The following IL1RAPL2 variants were observed in gnomAD, a reference collection of about 807,000 sequenced individuals.
The protein encoded by IL1RAPL2 is X-linked interleukin-1 receptor accessory protein-like 2.
In IL1RAPL2, 3 loss-of-function variants were observed where a neutral mutation model predicts 44.1. That is an observed-to-expected ratio of 0.07 (90% CI 0.03 to 0.18). The LOEUF is 0.18. Among genes scored for constraint, IL1RAPL2 ranks in the 10% least tolerant of loss-of-function variants. The pLI is 1.00. For synonymous variants in IL1RAPL2, 181 were observed against 178.8 expected, an observed-to-expected ratio of 1.01 and a Z score of -0.10; for missense variants, 391 against 496.4, an observed-to-expected ratio of 0.79 and a Z score of 2.02.
intron 2 of IL1RAPL2, among the ~76,000 whole-genome samples, chrX:104,676,862 G>T (rs372052238): frequency 1.8e-5 from 2 of 110,758 alleles, no homozygotes; most frequent in Non-Finnish European, 3.8e-5. Flanking sequence ...ATCTTCCATC[G>T]CTGATACCCT....
At chrX:105,294,393 A>G (rs1477190190) in intron 5 of IL1RAPL2, among the ~76,000 whole-genome samples, 1 of 112,340 alleles carries the variant, frequency 8.9e-6, no homozygotes, top group Non-Finnish European at 1.9e-5. Flanking sequence ...TTTAGTCAGC[A>G]GAGAAAAATA....
intron 2 of IL1RAPL2, among the ~76,000 whole-genome samples, chrX:104,791,068 G>C (rs1224262264): frequency 9.0e-6 from 1 of 111,694 alleles, no homozygotes; most frequent in Non-Finnish European, 1.9e-5. Context: ...CTGAGGTTTA[G>C]AAAGGCTACA....
At chrX:105,580,693 G>T (rs2037083302) in intron 6 of IL1RAPL2, among the ~76,000 whole-genome samples, 1 of 111,601 alleles carries the variant, frequency 9.0e-6, no homozygotes, top group South Asian at 3.7e-4. Flanking sequence ...TCCAGGAAAG[G>T]ATGCTCAGAG....
intron 2 of IL1RAPL2, among the ~76,000 whole-genome samples, chrX:105,110,341 T>C (rs1403034157): frequency 8.9e-6 from 1 of 112,219 alleles, no homozygotes; most frequent in Non-Finnish European, 1.9e-5. Flanking sequence ...TTGGCCAGTA[T>C]TTAGATCTGG....
intron 2 of IL1RAPL2, among the ~76,000 whole-genome samples, chrX:104,785,436 G>A (rs747971505): frequency 1.8e-5 from 2 of 111,624 alleles, no homozygotes; most frequent in African/African-American, 6.5e-5. Flanking sequence ...TAATTTCCAG[G>A]TATAACACCC....
At chrX:104,879,129 T>A (rs950402113) in intron 2 of IL1RAPL2, among the ~76,000 whole-genome samples, 1 of 110,321 alleles carries the variant, frequency 9.1e-6, no homozygotes, top group Non-Finnish European at 1.9e-5. Flanking sequence ...TTTTAGACTT[T>A]TATATTTTTA....
At chrX:104,948,567 C>G (rs1384793462) in intron 2 of IL1RAPL2, among the ~76,000 whole-genome samples, 1 of 108,437 alleles carries the variant, frequency 9.2e-6, no homozygotes, top group East Asian at 2.9e-4. Flanking sequence ...TCATAGATAG[C>G]TCTTATTATT....
intron 2 of IL1RAPL2, among the ~76,000 whole-genome samples, chrX:104,973,282 T>C (rs914383462): frequency 1.8e-5 from 2 of 112,002 alleles, no homozygotes; most frequent in Non-Finnish European, 3.8e-5. Flanking sequence ...GTCAAAAGAC[T>C]TATAGCCAAT....
At chrX:105,724,914 G>T (rs2038337945) in intron 7 of IL1RAPL2, among the ~76,000 whole-genome samples, 1 of 111,296 alleles carries the variant, frequency 9.0e-6, no homozygotes, top group Non-Finnish European at 1.9e-5. Flanking sequence ...TGGGGATAAT[G>T]ATTCTAGGAA....
intron 5 of IL1RAPL2, among the ~76,000 whole-genome samples, chrX:105,454,694 T>C (rs1055051623): frequency 9.0e-6 from 1 of 111,429 alleles, no homozygotes; most frequent in African/African-American, 3.3e-5. Context: ...TATAAACAGA[T>C]CTAACCAGAG....
chrX:105,032,521 T>G (rs1227428635), intron 2 of IL1RAPL2, among the ~76,000 whole-genome samples: 1 of 112,003 alleles, frequency 8.9e-6, no homozygotes, highest in African/African-American at 3.2e-5. Flanking sequence ...TCACTTTCCA[T>G]GTAGTTGAGC....
chrX:105,653,810 G>GT (rs773282404), intron 6 of IL1RAPL2, among the ~76,000 whole-genome samples: 1 of 111,640 alleles, frequency 9.0e-6, no homozygotes, highest in African/African-American at 3.2e-5. Context: ...GCCATCCACT[G>GT]TTTTTTGTGT....
At chrX:104,582,632 CTTTCTTTCT>C (rs1928393872) in intron 1 of IL1RAPL2, among the ~76,000 whole-genome samples, 1 of 64,538 alleles carries the variant, frequency 1.5e-5, no homozygotes, top group African/African-American at 6.6e-5. Context: ...TTCTTTCTTT[CTTTCTTTCT>C]CTCTTTCTTT....
chrX:104,582,610 TTC>T (rs1287430319), intron 1 of IL1RAPL2, among the ~76,000 whole-genome samples: 11 of 39,999 alleles, frequency 2.8e-4, no homozygotes, highest in African/African-American at 8.7e-4. Context: ...CTTTCTTTCT[TTC>T]TTTCTTTCTT....
intron 2 of IL1RAPL2, among the ~76,000 whole-genome samples, chrX:105,143,632 A>G (rs1315040025): frequency 8.9e-6 from 1 of 112,499 alleles, no homozygotes; most frequent in Admixed American, 9.4e-5. Context: ...GCTGCTATAA[A>G]GACACATGCA....
intron 6 of IL1RAPL2, among the ~76,000 whole-genome samples, chrX:105,575,076 T>C (rs2037041040): frequency 1.8e-5 from 2 of 112,371 alleles, no homozygotes; most frequent in African/African-American, 3.2e-5. Flanking sequence ...GTGTCATAAG[T>C]CAGTATATTA....
At chrX:105,635,096 C>T (rs1172672381) in intron 6 of IL1RAPL2, among the ~76,000 whole-genome samples, 1 of 111,254 alleles carries the variant, frequency 9.0e-6, no homozygotes, top group African/African-American at 3.3e-5. Context: ...CCAGCAAAAC[C>T]GTATAGGTTG....
At chrX:104,908,896 G>C (rs1458889523) in intron 2 of IL1RAPL2, among the ~76,000 whole-genome samples, 1 of 110,992 alleles carries the variant, frequency 9.0e-6, no homozygotes, top group Non-Finnish European at 1.9e-5. Flanking sequence ...GGCCTGCCTT[G>C]CTAGATTGGG....
chrX:104,717,751 TCTC>T (rs1931598779), intron 2 of IL1RAPL2, among the ~76,000 whole-genome samples: 1 of 108,745 alleles, frequency 9.2e-6, no homozygotes, highest in African/African-American at 3.4e-5. Context: ...CCTAATGCTA[TCTC>T]CCCCCCCCAC....
Sources: allele counts gnomAD v4.1 joint callset (sites outside exome capture counted in the v4.1 genomes callset), GRCh38; gene constraint gnomAD v4.1.1; transcripts MANE v1.5; gene names NCBI Gene and HGNC (gene_info 2026-07-23, HGNC 2026-07-21).